The following GBX1 variants were observed in gnomAD, a reference collection of about 807,000 sequenced individuals.
GBX1 encodes gastrulation brain homeobox 1.
GBX1 carries 9 observed loss-of-function variants against 22.9 expected under a neutral mutation model. The ratio of observed to expected loss-of-function variants is 0.39; its 90% CI spans 0.24 to 0.69. The LOEUF (loss-of-function observed/expected upper bound fraction) is 0.69. Among genes scored for constraint, GBX1 ranks in the 30% least tolerant of loss-of-function variants. GBX1 has a pLI of 0.43. For synonymous variants in GBX1, 203 were observed against 227.3 expected (o/e 0.89, Z 0.96); for missense variants, 494 against 509.2 (o/e 0.97, Z 0.29).
At chr7:151,153,756 T>C (rs1801104865) in intron 1 of GBX1, among the ~76,000 whole-genome samples, 1 of 151,902 alleles carries the variant, frequency 6.6e-6, no homozygotes, top group Non-Finnish European at 1.5e-5. Context: ...AGTGTTGGGG[T>C]CCTACTATGT....
Position 151,148,473 on chromosome 7 carries a change from C to A in GBX1, c.*116G>T. ...CACCCAGGGCTAGGTTAATTGCCAA[C>A]TAGCCCCTCTCAAGGCAGAATCACA... On this transcript the variant is annotated 3_prime_UTR_variant, in exon 2 of 2. Coordinates refer to ENST00000297537, the MANE Select transcript of GBX1 (RefSeq NM_001098834.3). The surrounding 1 kb of genome is among the most constrained non-coding windows in gnomAD (Gnocchi z 5.1). 1.0e-6 allele frequency: 1 copy of A among 993,834 alleles called. No individual in the cohort carries two copies. Among genetic ancestry groups the A allele is most frequent in the South Asian group, 1.7e-5 (1 of 58,888 alleles). 61.6% of individuals were successfully genotyped at this position (993,834 alleles called of 1,614,324 possible).
intron 1 of GBX1, among the ~76,000 whole-genome samples, chr7:151,161,870 T>G: frequency 6.6e-6 from 1 of 152,292 alleles, no homozygotes; most frequent in South Asian, 2.1e-4. Flanking sequence ...CCTAGAGAAT[T>G]GAAAGGAACA....
At chr7:151,154,809 G>A (rs1172761379) in intron 1 of GBX1, among the ~76,000 whole-genome samples, 3 of 152,166 alleles carry the variant, frequency 2.0e-5, no homozygotes, top group Admixed American at 6.5e-5. Flanking sequence ...AGGCCATCTC[G>A]GTAATGGGTC....
At chr7:151,163,694 A>G (rs1308544425) in intron 1 of GBX1, among the ~76,000 whole-genome samples, 2 of 152,198 alleles carry the variant, frequency 1.3e-5, no homozygotes, top group Non-Finnish European at 2.9e-5. Flanking sequence ...GCTAATAAAA[A>G]ATTTTTAATG....
chr7:151,153,628 G>A (rs754776944), intron 1 of GBX1, among the ~76,000 whole-genome samples: 1 of 151,704 alleles, frequency 6.6e-6, no homozygotes, highest in Non-Finnish European at 1.5e-5. Context: ...GCTCACCGCA[G>A]CCTTGAACTC....
chr7:151,157,359 T>C (rs1801147084), intron 1 of GBX1, among the ~76,000 whole-genome samples: 1 of 152,188 alleles, frequency 6.6e-6, no homozygotes. Flanking sequence ...TACAACTTTC[T>C]CCCTCATTCC....
At chr7:151,159,598 C>T (rs1024790727) in intron 1 of GBX1, among the ~76,000 whole-genome samples, 2 of 152,150 alleles carry the variant, frequency 1.3e-5, no homozygotes, top group African/African-American at 4.8e-5. Context: ...CCAGGCTGAT[C>T]TCAAACTCAT....
At chr7:151,154,441 A>G (rs1025333577) in intron 1 of GBX1, among the ~76,000 whole-genome samples, 1 of 152,230 alleles carries the variant, frequency 6.6e-6, no homozygotes, top group Non-Finnish European at 1.5e-5. Flanking sequence ...GGCCAAACAG[A>G]CAGAAAGGTT....
At chr7:151,165,692 G>T (rs1007882938) in intron 1 of GBX1, among the ~76,000 whole-genome samples, 1 of 152,014 alleles carries the variant, frequency 6.6e-6, no homozygotes, top group Non-Finnish European at 1.5e-5. Context: ...ATCCAACCAG[G>T]TACAAAAAAG....
At position 151,148,469 on chromosome 7, in the gene GBX1, C is replaced by G. The variant is rs1801038144; in HGVS notation, c.*120G>C. 5.3e-6 allele frequency: 5 copies of G among 946,886 alleles called. No homozygotes were observed. Among genetic ancestry groups the G allele is most frequent in the Middle Eastern group, 3.2e-4 (1 of 3,166 alleles). 58.7% of individuals were successfully genotyped at this position (946,886 alleles called of 1,614,324 possible). ...AGCACACCCAGGGCTAGGTTAATTG[C>G]CAACTAGCCCCTCTCAAGGCAGAAT... is the stretch of plus-strand genomic sequence containing the variant. On this transcript the variant is annotated 3_prime_UTR_variant, in exon 2 of 2. Coordinates refer to ENST00000297537, the MANE Select transcript of GBX1 (RefSeq NM_001098834.3). This position sits in a 1 kb window ranked among gnomAD's most constrained non-coding sequence, Gnocchi z 5.1.
intron 1 of GBX1, among the ~76,000 whole-genome samples, chr7:151,153,610 T>C (rs557452722): frequency 1.3e-4 from 19 of 151,436 alleles, no homozygotes; most frequent in Admixed American, 2.0e-4. Context: ...TGCAGTAGAG[T>C]AATCATAGCT....
At chr7:151,164,234 T>C (rs559778599) in intron 1 of GBX1, among the ~76,000 whole-genome samples, 4 of 152,342 alleles carry the variant, frequency 2.6e-5, no homozygotes, top group South Asian at 2.1e-4. Flanking sequence ...ATTTTAAAGA[T>C]TGCATTATTT....
At chr7:151,158,892 C>A (rs1247156211) in intron 1 of GBX1, among the ~76,000 whole-genome samples, 2 of 152,132 alleles carry the variant, frequency 1.3e-5, no homozygotes, top group Non-Finnish European at 2.9e-5. Flanking sequence ...TAATCCTTAA[C>A]CCTGTGAGGT....
rs151188859 is a variant in GBX1 at position 151,162,968 on chromosome 7, G to A, written c.538+4043C>T. ...ACCACAGGCATGCGGCACTAAGCCC[G>A]GCTAATTTTGTATTTTTAGTAGAGA... On this transcript the variant is annotated intron_variant, in intron 1 of 1. Transcript: ENST00000297537. 4.5e-4 allele frequency among the ~76,000 whole-genome samples: 69 copies of A among 152,026 alleles called. No individual in the cohort carries two copies. In the East Asian group the frequency reaches 0.011, roughly 23 times the overall value.
intron 1 of GBX1, chr7:151,149,723 G>A (rs1276988454): frequency 5.9e-6 from 2 of 336,856 alleles, no homozygotes; most frequent in South Asian, 2.2e-5. Flanking sequence ...CCCAGCTGAC[G>A]AGAGCTGTCT....
chr7:151,152,697 G>T (rs573475671), intron 1 of GBX1, among the ~76,000 whole-genome samples: 1 of 152,166 alleles, frequency 6.6e-6, no homozygotes, highest in Non-Finnish European at 1.5e-5. Context: ...CCAGGTTCCC[G>T]ATCTGGCAGG....
chr7:151,162,522 A>C (rs1324120254), intron 1 of GBX1, among the ~76,000 whole-genome samples: 1 of 152,212 alleles, frequency 6.6e-6, no homozygotes, highest in African/African-American at 2.4e-5. Context: ...GCTTAGTTTA[A>C]AAAAACAATG....
rs756608160 is a variant in GBX1, at chr7:151,167,382, A to C, written c.167T>G (p.Val56Gly). ...YPMFMPYRPLVLPQALAPAPL... is the reference protein window; with the variant it reads ...YPMFMPYRPLGLPQALAPAPL... Reference sequence around the variant, plus strand: ...CGCAGGGGCCAGCGCCTGCGGCAGCACGAGCGGCCGGTAGGGCATGAACAT... The same window carrying C: ...CGCAGGGGCCAGCGCCTGCGGCAGCCCGAGCGGCCGGTAGGGCATGAACAT... The change falls in exon 1 of 2, where the codon GTG (valine) becomes GGG (glycine). Residue 56 changes from valine to glycine, a missense_variant. By Grantham distance (109) the Val-to-Gly change is moderately radical. Transcript: ENST00000297537. This position sits in a 1 kb window ranked among gnomAD's most constrained non-coding sequence, Gnocchi z 5.9. 8.6e-6 allele frequency: 13 copies of C among 1,512,066 alleles called. No individual in the cohort carries two copies. In the South Asian group the frequency reaches 1.6e-4, roughly 19 times the overall value. 93.7% of individuals were successfully genotyped at this position (1,512,066 alleles called of 1,614,324 possible).
chr7:151,153,457 T>C (rs976205758), intron 1 of GBX1, among the ~76,000 whole-genome samples: 2 of 152,148 alleles, frequency 1.3e-5, no homozygotes, highest in Non-Finnish European at 2.9e-5. Flanking sequence ...TAAAAATATT[T>C]CCTTTTATCC....
Sources: gnomAD v4.1 joint callset for allele counts (sites outside exome capture counted in the v4.1 genomes callset) on GRCh38, gnomAD v4.1.1 for gene constraint, Gnocchi (gnomAD v3.1) non-coding constraint, MANE v1.5 for transcripts, NCBI Gene and HGNC (gene_info 2026-07-23, HGNC 2026-07-21) for gene names.